Variants in USP47 observed in about 807,000 individuals in gnomAD.
USP47 encodes the protein ubiquitin specific peptidase 47.
A neutral mutation model predicts 165.1 loss-of-function variants in USP47; 35 were observed. The ratio of observed to expected loss-of-function variants is 0.21; its 90% CI spans 0.16 to 0.28. USP47 has a LOEUF of 0.28. USP47 is among the 10% of genes least tolerant of loss of function. The probability of loss-of-function intolerance (pLI) is 1.00; values close to 1 mark genes in which losing one functional copy is unlikely to be tolerated. For missense variants in USP47, 1,277 were observed against 1,607.4 expected (o/e 0.79, Z 3.52); for synonymous variants, 531 against 544.5 (o/e 0.98, Z 0.35).
At chr11:11,941,928 G>A in intron 19 of USP47, among the ~76,000 whole-genome samples, 1 of 151,840 alleles carries the variant, frequency 6.6e-6, no homozygotes, top group East Asian at 1.9e-4. Flanking sequence ...ATATTCACAA[G>A]GTGTCTTTAC....
intron 10 of USP47, 31 bp from the exon 11 acceptor site, chr11:11,922,693 T>C (rs1253587646): frequency 2.5e-6 from 4 of 1,586,242 alleles, no homozygotes; most frequent in African/African-American, 1.4e-5. Context: ...CTGTATATGG[T>C]TTATAACTAA....
rs867398558 is a variant in USP47, at chr11:11,887,581, C to T, written c.357+3001C>T. Among the ~76,000 whole-genome samples, 3 of 152,266 alleles carry T rather than the reference C, an allele frequency of 2.0e-5. No homozygotes were observed. The Middle Eastern group carries it at 0.01, about 518-fold the overall frequency. ...AACACCCAGATTCATAAAGCAAGTT[C>T]TTAGAGACCAACAAAAGAGACTTAC... On this transcript the variant is annotated intron_variant, in intron 3 of 27. Transcript: ENST00000527733.
intron 16 of USP47, among the ~76,000 whole-genome samples, chr11:11,934,304 G>A (rs1854896192): frequency 6.6e-6 from 1 of 152,034 alleles, no homozygotes; most frequent in Non-Finnish European, 1.5e-5. Context: ...AACAAGGCGT[G>A]GTCACTGCCT....
rs749987996 is a variant in USP47 at position 11,842,157 on chromosome 11, A to G, written c.-29A>G. On this transcript the variant is annotated 5_prime_UTR_variant, in exon 1 of 28. Transcript: ENST00000527733. ...CCGCCACCCTCCACCCTCCCCCGGC[A>G]GGGCGGAGAGGAGCGGCCGGAGTCA... The G allele has an allele frequency of 1.2e-5, 19 of 1,551,450 alleles. No homozygotes were observed. Among genetic ancestry groups the G allele is most frequent in the Non-Finnish European group, 1.7e-5 (19 of 1,146,704 alleles).
At chr11:11,946,515 G>A (rs556775290) in intron 20 of USP47, among the ~76,000 whole-genome samples, 2 of 152,176 alleles carry the variant, frequency 1.3e-5, no homozygotes, top group Non-Finnish European at 2.9e-5. Flanking sequence ...TTATGATCAC[G>A]TGGGAAAACA....
chr11:11,920,096 A>G (rs1434489843), intron 8 of USP47, 60 bp from the exon 9 acceptor site: 43 of 1,258,544 alleles, frequency 3.4e-5, no homozygotes, highest in Non-Finnish European at 4.2e-5. Flanking sequence ...TTTTTTATTC[A>G]GGATTTTGTC....
intron 1 of USP47, among the ~76,000 whole-genome samples, chr11:11,854,435 C>A (rs916267178): frequency 6.8e-6 from 1 of 146,714 alleles, no homozygotes; most frequent in African/African-American, 2.4e-5. Context: ...CTAAGTACCT[C>A]CTAGCATTGG....
intron 1 of USP47, among the ~76,000 whole-genome samples, chr11:11,875,975 A>G (rs1406148682): frequency 6.6e-6 from 1 of 152,220 alleles, no homozygotes; most frequent in African/African-American, 2.4e-5. Flanking sequence ...TCTGCAATGA[A>G]TGTAGCCACA....
chr11:11,939,157 C>T (rs1441206292), intron 18 of USP47, among the ~76,000 whole-genome samples: 2 of 152,052 alleles, frequency 1.3e-5, no homozygotes, highest in South Asian at 2.1e-4. Flanking sequence ...GATTAGTCCA[C>T]ACCAGACAAA....
chr11:11,883,492 T>A (rs1310681713), intron 2 of USP47, among the ~76,000 whole-genome samples: 1 of 152,212 alleles, frequency 6.6e-6, no homozygotes, highest in Non-Finnish European at 1.5e-5. Flanking sequence ...CAGTTAATTT[T>A]TTTTGTCCTC....
intron 27 of USP47, among the ~76,000 whole-genome samples, chr11:11,955,608 G>C (rs543482977): frequency 6.6e-6 from 1 of 152,182 alleles, no homozygotes; most frequent in Non-Finnish European, 1.5e-5. Flanking sequence ...AGTCATTGGA[G>C]CCTCACAAAT....
chr11:11,929,726 CTTTG>C (rs1854511615), intron 12 of USP47, among the ~76,000 whole-genome samples, 161 bp downstream of exon 12: 1 of 152,040 alleles, frequency 6.6e-6, no homozygotes, highest in Admixed American at 6.6e-5. Flanking sequence ...AAGTTCTTGC[CTTTG>C]TTTATTATTT....
chr11:11,930,722 A>G lies in USP47; in HGVS notation c.1622A>G (p.Tyr541Cys), dbSNP rs1284613461. 1.9e-6 allele frequency: 3 copies of G among 1,606,398 alleles called. No individual in the cohort carries two copies. The highest frequency in any genetic ancestry group is 1.7e-6 in the Non-Finnish European group (2 of 1,177,504). The change falls in exon 14 of 28, where the codon TAT becomes TGT. Residue 541 changes from tyrosine to cysteine, a missense_variant. By Grantham distance (194) the Tyr-to-Cys change is radical (BLOSUM62 -2). This residue lies in a region of USP47 where 909 missense variants were observed against 1,068.1 expected (regional missense o/e 0.85). Transcript: ENST00000527733. ...TCCACAAATGCATATATGCTGATCT[A>G]TAGACTGAAGGATCCAGCCAGAAAT... Reference protein sequence around the residue: ...ASSTNAYMLIYRLKDPARNAK... With the variant: ...ASSTNAYMLICRLKDPARNAK...
rs116220715 is a variant in USP47 at position 11,859,485 on chromosome 11, G to T, written c.39+17261G>T. Among the ~76,000 whole-genome samples the T allele has an allele frequency of 8.8e-3, 1,336 of 152,198 alleles. 18 individuals are homozygous for T. Among genetic ancestry groups the T allele is most frequent in the South Asian group, 0.026 (123 of 4,820 alleles). On this transcript the variant is annotated intron_variant, in intron 1 of 27. Transcript: ENST00000527733. ...GGAGTAAGGCCGCATAAGGTATAAG[G>T]TTTGTCGCTAAATTATGTATCTACA...
intron 8 of USP47, among the ~76,000 whole-genome samples, chr11:11,910,502 G>T (rs970435829): frequency 3.3e-5 from 5 of 152,070 alleles, no homozygotes; most frequent in Admixed American, 3.3e-4. Flanking sequence ...AGTGCTGAGT[G>T]GGGAGCCTAG....
intron 1 of USP47, among the ~76,000 whole-genome samples, chr11:11,867,379 C>T (rs1235653020): frequency 6.6e-6 from 1 of 151,996 alleles, no homozygotes; most frequent in African/African-American, 2.4e-5. Flanking sequence ...TTACTCTATC[C>T]TTCATGTCTC....
intron 13 of USP47, among the ~76,000 whole-genome samples, chr11:11,930,407 C>T (rs936356619): frequency 1.2e-4 from 18 of 152,148 alleles, no homozygotes; most frequent in Non-Finnish European, 7.4e-5. Flanking sequence ...TTGCTGGAAA[C>T]AACTTGCTGG....
Position 11,955,064 on chromosome 11 carries a change from G to A in USP47, c.3793G>A (p.Val1265Ile). ...GRGTFPCDIS[V>I]LDIHQDLDWN... ...AGGAACATTTCCCTGTGATATTTCT[G>A]TCCTTGATATTCATCAGGATTTAGA... is the stretch of plus-strand genomic sequence containing the variant. The change falls in exon 27 of 28, where the codon GTC (valine) becomes ATC (isoleucine). Residue 1265 changes from valine to isoleucine, a missense_variant. Physicochemically the swap from Val to Ile is conservative, Grantham distance 29 (BLOSUM62 3). Coordinates refer to ENST00000527733, the MANE Select transcript of USP47 (RefSeq NM_001282659.2). 1 of 1,613,464 alleles carries A rather than the reference G, an allele frequency of 6.2e-7. No individual in the cohort carries two copies. The highest frequency in any genetic ancestry group is 8.5e-7 in the Non-Finnish European group (1 of 1,179,780).
At chr11:11,868,288 C>T (rs888159570) in intron 1 of USP47, among the ~76,000 whole-genome samples, 4 of 152,178 alleles carry the variant, frequency 2.6e-5, no homozygotes, top group Non-Finnish European at 4.4e-5. Flanking sequence ...ACTCACTTCC[C>T]TTTCACTCCC....
Sources: gnomAD v4.1 joint callset for allele counts (sites outside exome capture counted in the v4.1 genomes callset) on GRCh38, gnomAD v4.1.1 for gene constraint, gnomAD v4.1.1 regional missense constraint, MANE v1.5 for transcripts, NCBI Gene and HGNC (gene_info 2026-07-23, HGNC 2026-07-21) for gene names.